Variants in FOXRED1 observed in about 807,000 individuals in gnomAD.
FOXRED1 encodes the protein FAD dependent oxidoreductase domain containing 1.
FOXRED1 carries 52 observed loss-of-function variants against 57.8 expected under a neutral mutation model. The observed-to-expected ratio is 0.90, with a 90% CI of 0.72 to 1.13. The LOEUF (loss-of-function observed/expected upper bound fraction) is 1.13. FOXRED1 is among the 50% of genes most tolerant of loss of function. The pLI is 0.00. For missense variants in FOXRED1, 589 were observed against 625.2 expected (o/e 0.94, Z 0.62); for synonymous variants, 271 against 248.3 (o/e 1.09, Z -0.86).
chr11:126,269,233 C>T lies in FOXRED1; in HGVS notation c.27C>T (p.Gly9=), dbSNP rs767794725. The change falls in exon 1 of 11, where the codon GGC becomes GGT. Residue 9 remains glycine (G), a synonymous_variant. Transcript: ENST00000263578. ...TGATTCGGAGGGTTCTGCCGCACGG[C>T]ATGGGCCGGGGCCTCTTGACCCGGA... MIRRVLPH[G]MGRGLLTRRP... 6.8e-6 allele frequency: 11 copies of T among 1,614,092 alleles called. No homozygotes were observed. The highest frequency in any genetic ancestry group is 3.3e-4 in the Middle Eastern group (2 of 6,024).
Position 126,276,085 on chromosome 11 carries a change from C to T in FOXRED1, c.837C>T (p.Tyr279=), listed in dbSNP as rs2135266039. 1.2e-6 allele frequency: 2 copies of T among 1,612,792 alleles called. No individual in the cohort carries two copies. Among genetic ancestry groups the T allele is most frequent in the South Asian group, 1.1e-5 (1 of 91,056 alleles). ...VHVKMDRSLE[Y]QPVECAIVIN... ...TGAAGATGGACCGCAGCCTGGAGTA[C>T]CAGCCTGTGGAATGCGCCATTGTGA... The change falls in exon 8 of 11, where the codon TAC becomes TAT. Residue 279 remains tyrosine (Y), a synonymous_variant. Coordinates refer to ENST00000263578, the MANE Select transcript of FOXRED1 (RefSeq NM_017547.4).
chr11:126,272,281 G>A lies in FOXRED1; in HGVS notation c.306+624G>A, dbSNP rs1325791325. 6.7e-6 allele frequency among the ~76,000 whole-genome samples: 1 copy of A among 149,132 alleles called. No homozygotes were observed. The highest frequency in any genetic ancestry group is 2.5e-5 in the African/African-American group (1 of 40,418). ...CCAGCCCTCAACTTGCTTCTTTTGG[G>A]TCCCGTTACTTCTGAGGTTTTTTGC... On this transcript the variant is annotated intron_variant, in intron 2 of 10. Transcript: ENST00000263578. The surrounding 1 kb of genome is among the most constrained non-coding windows in gnomAD (Gnocchi z 4.6).
At position 126,277,206 on chromosome 11, in the gene FOXRED1, T is replaced by C. The variant is rs774640866; in HGVS notation, c.1206+31T>C. On this transcript the variant is annotated intron_variant, in intron 10 of 10. Transcript: ENST00000263578. The surrounding 1 kb of genome is among the most constrained non-coding windows in gnomAD (Gnocchi z 6.8). ...TGGCAAGGGCTGGTTTTCCTTTTTA[T>C]TTTTGGACATTGGATGGGACAGATG... is the stretch of plus-strand genomic sequence containing the variant. 3 of 1,442,296 alleles carry C rather than the reference T, an allele frequency of 2.1e-6. No homozygotes were observed. Among genetic ancestry groups the C allele is most frequent in the South Asian group, 1.1e-5 (1 of 87,524 alleles). 89.3% of individuals were successfully genotyped at this position (1,442,296 alleles called of 1,614,324 possible).
At position 126,275,019 on chromosome 11, in the gene FOXRED1, A is replaced by T; in HGVS notation, c.629A>T (p.Tyr210Phe). Residue 210 changes from tyrosine to phenylalanine, a missense_variant and splice_region_variant, in exon 5 of 11, where the codon TAT becomes TTT. Tyr to Phe is a conservative substitution (Grantham distance 22). Transcript: ENST00000263578. This position sits in a 1 kb window ranked among gnomAD's most constrained non-coding sequence, Gnocchi z 5.9. ...ACAGAGGGAGTGGCTTTGGCGTCTT[A>T]TGGTGAGGCTTGCTTGCAGAGGGGA... Reference protein sequence around the residue: ...INTEGVALASYGMEDEGWFDP... With the variant: ...INTEGVALASFGMEDEGWFDP... 6.2e-7 allele frequency: 1 copy of T among 1,605,340 alleles called. No individual in the cohort carries two copies. Among genetic ancestry groups the T allele is most frequent in the East Asian group, 2.2e-5 (1 of 44,832 alleles).
At position 126,269,206 on chromosome 11, in the gene FOXRED1, T is replaced by C. The variant is rs1950898031; in HGVS notation, c.-1T>C. On this transcript the variant is annotated 5_prime_UTR_variant, in exon 1 of 11. Transcript: ENST00000263578. ...TCAGAGGGTCCGGGCTCAGAGGGGT[T>C]ATGATTCGGAGGGTTCTGCCGCACG... is the stretch of plus-strand genomic sequence containing the variant. 2 of 1,612,144 alleles carry C rather than the reference T, an allele frequency of 1.2e-6. No individual in the cohort carries two copies. Among genetic ancestry groups the C allele is most frequent in the Non-Finnish European group, 1.7e-6 (2 of 1,178,494 alleles).
Position 126,275,730 on chromosome 11 carries a change from T to G in FOXRED1, c.734-64T>G. 8.8e-7 allele frequency: 1 copy of G among 1,131,070 alleles called. No individual in the cohort carries two copies. The highest frequency in any genetic ancestry group is 2.3e-5 in the East Asian group (1 of 42,584). 70.1% of individuals were successfully genotyped at this position (1,131,070 alleles called of 1,614,324 possible). A position where few individuals can be genotyped will look rare whatever the true frequency, so the allele number is the denominator to read the frequency against. On this transcript the variant is annotated intron_variant, in intron 6 of 10. Transcript: ENST00000263578. This position sits in a 1 kb window ranked among gnomAD's most constrained non-coding sequence, Gnocchi z 5.9. ...CAGCTTTCTTTCCTTAAGAAACCAG[T>G]GAAATCCCCATTTCATTCCTCTTCA...
Position 126,269,213 on chromosome 11 carries a change from C to G in FOXRED1, c.7C>G (p.Arg3Gly). The G allele has an allele frequency of 6.2e-7, 1 of 1,613,138 alleles. No individual in the cohort carries two copies. The highest frequency in any genetic ancestry group is 8.5e-7 in the Non-Finnish European group (1 of 1,179,296). The change falls in exon 1 of 11, where the codon CGG becomes GGG. Residue 3 changes from arginine to glycine, a missense_variant. Coordinates refer to ENST00000263578, the MANE Select transcript of FOXRED1 (RefSeq NM_017547.4). ...GTCCGGGCTCAGAGGGGTTATGATT[C>G]GGAGGGTTCTGCCGCACGGCATGGG... is the stretch of plus-strand genomic sequence containing the variant. MI[R>G]RVLPHGMGRG...
chr11:126,276,748 C>T lies in FOXRED1; in HGVS notation c.1101+225C>T, dbSNP rs1251296699. Among the ~76,000 whole-genome samples the T allele has an allele frequency of 9.2e-5, 14 of 151,688 alleles. 1 individual carries two copies. The highest frequency in any genetic ancestry group is 5.9e-4 in the Admixed American group (9 of 15,238). On this transcript the variant is annotated intron_variant, in intron 9 of 10. Transcript: ENST00000263578. Reference sequence around the variant, plus strand: ...AAACTTAGCTGGGCGTGGTGCTGGGCGCCTGTAATCCCAGCTACTTGGGAG... The same window carrying T: ...AAACTTAGCTGGGCGTGGTGCTGGGTGCCTGTAATCCCAGCTACTTGGGAG...
At position 126,274,712 on chromosome 11, in the gene FOXRED1, A is replaced by G; in HGVS notation, c.537-215A>G. The G allele has an allele frequency of 1.7e-6, 1 of 602,794 alleles. No homozygotes were observed. The highest frequency in any genetic ancestry group is 2.4e-5 in the Admixed American group (1 of 41,162). The allele number at this position is 602,794 out of a possible 1,614,324, so 37.3% of individuals were successfully genotyped here. ...GGAGCTCTGTGTGCTGAAGGGAGACAAGGGAGTAGGGAAGGAAAGGCAGTC... is the reference window on the plus strand; with the variant it reads ...GGAGCTCTGTGTGCTGAAGGGAGACGAGGGAGTAGGGAAGGAAAGGCAGTC... On this transcript the variant is annotated intron_variant, in intron 4 of 10. Transcript: ENST00000263578. This position sits in a 1 kb window ranked among gnomAD's most constrained non-coding sequence, Gnocchi z 4.8.
Position 126,274,711 on chromosome 11 carries a change from CAAGG to C in FOXRED1, c.537-215_537-212del, listed in dbSNP as rs919584800. 2.7e-5 allele frequency: 16 copies of C among 598,052 alleles called. No homozygotes were observed. Among genetic ancestry groups the C allele is most frequent in the Non-Finnish European group, 4.3e-5 (14 of 328,666 alleles). 37.0% of individuals were successfully genotyped at this position (598,052 alleles called of 1,614,324 possible). A position where few individuals can be genotyped will look rare whatever the true frequency, so the allele number is the denominator to read the frequency against. ...GGGAGCTCTGTGTGCTGAAGGGAGA[CAAGG>C]GAGTAGGGAAGGAAAGGCAGTCAAG... On this transcript the variant is annotated intron_variant, in intron 4 of 10. Transcript: ENST00000263578. This position sits in a 1 kb window ranked among gnomAD's most constrained non-coding sequence, Gnocchi z 4.8.
rs1951055312 is a variant in FOXRED1 at position 126,273,737 on chromosome 11, CA to C, written c.536+286del. The C allele has an allele frequency of 6.6e-6, 3 of 452,254 alleles. No individual in the cohort carries two copies. The highest frequency in any genetic ancestry group is 1.2e-5 in the Non-Finnish European group (3 of 244,096). 28.0% of individuals were successfully genotyped at this position (452,254 alleles called of 1,614,324 possible). On this transcript the variant is annotated intron_variant, in intron 4 of 10. Transcript: ENST00000263578. The surrounding 1 kb of genome is among the most constrained non-coding windows in gnomAD (Gnocchi z 5.9). ...CCAGAATCTCTAGGGAAGGAGCCCA[CA>C]AATCTGGGTTTTTAACAAGAACCTT...
rs1019985856 is a variant in FOXRED1, at chr11:126,272,286, G to A, written c.306+629G>A. On this transcript the variant is annotated intron_variant, in intron 2 of 10. Coordinates refer to ENST00000263578, the MANE Select transcript of FOXRED1 (RefSeq NM_017547.4). The surrounding 1 kb of genome is among the most constrained non-coding windows in gnomAD (Gnocchi z 4.6). ...CCTCAACTTGCTTCTTTTGGGTCCCGTTACTTCTGAGGTTTTTTGCATTTT... is the reference window on the plus strand; with the variant it reads ...CCTCAACTTGCTTCTTTTGGGTCCCATTACTTCTGAGGTTTTTTGCATTTT... Among the ~76,000 whole-genome samples, 2 of 150,228 alleles carry A rather than the reference G, an allele frequency of 1.3e-5. No individual in the cohort carries two copies. Among genetic ancestry groups the A allele is most frequent in the East Asian group, 4.0e-4 (2 of 4,992 alleles).
rs1951184236 is a variant in FOXRED1, at chr11:126,277,428, C to T, written c.1207-7C>T. 9 of 1,612,914 alleles carry T rather than the reference C, an allele frequency of 5.6e-6. No homozygotes were observed. Among genetic ancestry groups the T allele is most frequent in the South Asian group, 1.1e-5 (1 of 91,076 alleles). ...CCCGAGAACCCCAGTGTTTTGTGCA[C>T]CCGCAGGTTCAGAGCGCCTGGGCCG... On this transcript the variant is annotated splice_polypyrimidine_tract_variant and splice_region_variant and intron_variant, in intron 10 of 10. Transcript: ENST00000263578. The surrounding 1 kb of genome is among the most constrained non-coding windows in gnomAD (Gnocchi z 6.8).
rs1187679592 is a variant in FOXRED1 at position 126,277,857 on chromosome 11, T to C, written c.*168T>C. 4 of 757,748 alleles carry C rather than the reference T, an allele frequency of 5.3e-6. No homozygotes were observed. Among genetic ancestry groups the C allele is most frequent in the Non-Finnish European group, 9.2e-6 (4 of 433,264 alleles). The allele number at this position is 757,748 out of a possible 1,614,324, so 46.9% of individuals were successfully genotyped here. On this transcript the variant is annotated 3_prime_UTR_variant, in exon 11 of 11. Transcript: ENST00000263578. The surrounding 1 kb of genome is among the most constrained non-coding windows in gnomAD (Gnocchi z 6.8). The stretch of plus-strand genomic sequence containing the variant: ...CATATGGCTGGGCAGGCACAGGCAG[T>C]GAGGCCGAGGCCAATAGCGAGTGAT...
intron 8 of FOXRED1, 38 bp from the exon 9 acceptor site, chr11:126,276,356 G>T (rs368695946): frequency 1.9e-6 from 2 of 1,037,006 alleles, no homozygotes; most frequent in Admixed American, 3.5e-5. Context: ...TGCCGGCCAT[G>T]CTGTTTCTGC....
rs1309923786 is a variant in FOXRED1 at position 126,276,286 on chromosome 11, C to CAT, written c.971+67_971+68insAT. ...AAGAAATGACATCGAAGTTGGATAG[C>CAT]GTGTGTGTGTGTGTGTGTGTGTGTG... On this transcript the variant is annotated intron_variant, in intron 8 of 10. Coordinates refer to ENST00000263578, the MANE Select transcript of FOXRED1 (RefSeq NM_017547.4). 1.8e-5 allele frequency: 21 copies of CAT among 1,173,486 alleles called. 1 individual carries two copies. The highest frequency in any genetic ancestry group is 9.1e-5 in the East Asian group (3 of 33,076). The allele number at this position is 1,173,486 out of a possible 1,614,324, so 72.7% of individuals were successfully genotyped here.
chr11:126,273,156 A>G lies in FOXRED1; in HGVS notation c.417+77A>G, dbSNP rs1045925344. On this transcript the variant is annotated intron_variant, in intron 3 of 10. Transcript: ENST00000263578. The surrounding 1 kb of genome is among the most constrained non-coding windows in gnomAD (Gnocchi z 5.9). Reference sequence around the variant, plus strand: ...AGAGTGGGGAGCAGCCCAGCTAGCAAGGTAGCCAGAGAGCAAGAATGGGTC... The same window carrying G: ...AGAGTGGGGAGCAGCCCAGCTAGCAGGGTAGCCAGAGAGCAAGAATGGGTC... The G allele has an allele frequency of 5.9e-6, 6 of 1,015,494 alleles. No homozygotes were observed. The highest frequency in any genetic ancestry group is 5.0e-5 in the South Asian group (4 of 79,244). 62.9% of individuals were successfully genotyped at this position (1,015,494 alleles called of 1,614,324 possible). A position where few individuals can be genotyped will look rare whatever the true frequency, so the allele number is the denominator to read the frequency against.
In FOXRED1 at chr11:126,272,892, T is replaced by G; in HGVS notation, c.307-77T>G. The G allele has an allele frequency of 1.2e-6, 1 of 812,238 alleles. No individual in the cohort carries two copies. Among genetic ancestry groups the G allele is most frequent in the Non-Finnish European group, 2.2e-6 (1 of 449,486 alleles). 50.3% of individuals were successfully genotyped at this position (812,238 alleles called of 1,614,324 possible). A position where few individuals can be genotyped will look rare whatever the true frequency, so the allele number is the denominator to read the frequency against. ...TCCCCTTCAACTTTAGGTGTATAGC[T>G]CGAAGCTTTCATTGCAGTATTCTAG... On this transcript the variant is annotated intron_variant, in intron 2 of 10. Coordinates refer to ENST00000263578, the MANE Select transcript of FOXRED1 (RefSeq NM_017547.4). The surrounding 1 kb of genome is among the most constrained non-coding windows in gnomAD (Gnocchi z 4.6).
Position 126,273,668 on chromosome 11 carries a change from T to C in FOXRED1, c.536+214T>C, listed in dbSNP as rs1164119742. The stretch of plus-strand genomic sequence containing the variant: ...ACACTGCGAGGTGCTTCCTAATTTG[T>C]CAGATCATGAAAACCACCTGGAACA... On this transcript the variant is annotated intron_variant, in intron 4 of 10. Transcript: ENST00000263578. The surrounding 1 kb of genome is among the most constrained non-coding windows in gnomAD (Gnocchi z 5.9). The C allele has an allele frequency of 1.0e-5, 6 of 589,332 alleles. No homozygotes were observed. The highest frequency in any genetic ancestry group is 1.8e-5 in the African/African-American group (1 of 54,162). 36.5% of individuals were successfully genotyped at this position (589,332 alleles called of 1,614,324 possible).
Sources: gnomAD v4.1 joint callset for allele counts (sites outside exome capture counted in the v4.1 genomes callset) on GRCh38, gnomAD v4.1.1 for gene constraint, Gnocchi (gnomAD v3.1) non-coding constraint, MANE v1.5 for transcripts, NCBI Gene and HGNC (gene_info 2026-07-23, HGNC 2026-07-21) for gene names.